The following NDUFS4 variants were observed in gnomAD, a reference collection of about 807,000 sequenced individuals.
The protein encoded by NDUFS4 is NADH dehydrogenase [ubiquinone] iron-sulfur protein 4, mitochondrial.
In NDUFS4, 28 loss-of-function variants were observed where a neutral mutation model predicts 24.3. The observed-to-expected ratio is 1.15, with a 90% confidence interval of 0.85 to 1.58. The LOEUF (loss-of-function observed/expected upper bound fraction) is 1.58. Ranked by LOEUF, NDUFS4 falls within the 40% of genes most tolerant of loss-of-function variation. NDUFS4 has a pLI of 0.00. For missense variants in NDUFS4, 223 were observed against 207.9 expected (o/e 1.07, Z -0.45); for synonymous variants, 93 against 69.7 (o/e 1.34, Z -1.67).
intron 4 of NDUFS4, among the ~76,000 whole-genome samples, chr5:53,659,166 ATAATAT>A (rs1305750225): frequency 6.6e-6 from 1 of 152,082 alleles, no homozygotes; most frequent in African/African-American, 2.4e-5. Flanking sequence ...CAACTGTATA[ATAATAT>A]TAATGTGGCC....
chr5:53,602,914 A>G (rs1172276943), intron 1 of NDUFS4, among the ~76,000 whole-genome samples: 2 of 152,216 alleles, frequency 1.3e-5, no homozygotes, highest in Non-Finnish European at 2.9e-5. Context: ...TAATATTTTC[A>G]TTTTAACTAA....
At chr5:53,622,106 A>G (rs1425010731) in intron 2 of NDUFS4, among the ~76,000 whole-genome samples, 1 of 152,148 alleles carries the variant, frequency 6.6e-6, no homozygotes, top group Non-Finnish European at 1.5e-5. Context: ...GTTGCTCTTA[A>G]TTATTATACT....
At chr5:53,634,871 G>A (rs1224963637) in intron 2 of NDUFS4, among the ~76,000 whole-genome samples, 1 of 151,864 alleles carries the variant, frequency 6.6e-6, no homozygotes, top group Non-Finnish European at 1.5e-5. Context: ...CCTAAGATAG[G>A]TACATGACTT....
At chr5:53,650,446 TTTTGGGC>T (rs1273737878) in intron 3 of NDUFS4, among the ~76,000 whole-genome samples, 3 of 152,282 alleles carry the variant, frequency 2.0e-5, no homozygotes, top group African/African-American at 7.2e-5. Context: ...ATCTGTGTAT[TTTTGGGC>T]TTAGTTTTGA....
chr5:53,648,178 A>G lies in NDUFS4; in HGVS notation c.350+1773A>G, dbSNP rs543377525. ...AAGCTGAGAAATAGATACTTACCCAACTTAGTCTTTGGAGTGAATCTGTAT... is the reference window on the plus strand; with the variant it reads ...AAGCTGAGAAATAGATACTTACCCAGCTTAGTCTTTGGAGTGAATCTGTAT... On this transcript the variant is annotated intron_variant, in intron 3 of 4. Coordinates refer to ENST00000296684, the MANE Select transcript of NDUFS4 (RefSeq NM_002495.4). Among the ~76,000 whole-genome samples, 5 of 152,248 alleles carry G rather than the reference A, an allele frequency of 3.3e-5. No homozygotes were observed. In the East Asian group the frequency reaches 5.8e-4, roughly 18 times the overall value.
At chr5:53,662,546 A>T (rs1752375570) in intron 4 of NDUFS4, among the ~76,000 whole-genome samples, 2 of 151,964 alleles carry the variant, frequency 1.3e-5, no homozygotes, top group South Asian at 4.1e-4. Context: ...TTTTCTATTG[A>T]TTGGAATAGT....
intron 2 of NDUFS4, among the ~76,000 whole-genome samples, chr5:53,613,240 T>C (rs952369719): frequency 3.9e-5 from 6 of 152,078 alleles, no homozygotes; most frequent in Non-Finnish European, 8.8e-5. Context: ...AGTGTCTGTT[T>C]TGTCTGGACT....
At chr5:53,623,726 T>C (rs1215010702) in intron 2 of NDUFS4, among the ~76,000 whole-genome samples, 3 of 101,708 alleles carry the variant, frequency 2.9e-5, no homozygotes, top group Non-Finnish European at 4.1e-5. Flanking sequence ...TGTTTGCTTG[T>C]TTGTTTGTTT....
intron 1 of NDUFS4, among the ~76,000 whole-genome samples, chr5:53,568,806 T>C (rs1749124095): frequency 6.6e-6 from 1 of 152,212 alleles, no homozygotes; most frequent in African/African-American, 2.4e-5. Context: ...TACTCTTTTG[T>C]GTTTGAATCG....
chr5:53,591,922 C>T (rs1749973304), intron 1 of NDUFS4, among the ~76,000 whole-genome samples: 1 of 151,870 alleles, frequency 6.6e-6, no homozygotes, highest in African/African-American at 2.4e-5. Flanking sequence ...TGTTTGTTTT[C>T]TTATTGATGA....
chr5:53,677,225 T>TATTA (rs1740504122), intron 4 of NDUFS4, among the ~76,000 whole-genome samples: 1 of 152,146 alleles, frequency 6.6e-6, no homozygotes, highest in East Asian at 1.9e-4. Flanking sequence ...ATAGCAAGTA[T>TATTA]ATTATTTGAA....
chr5:53,643,933 T>C (rs1006308533), intron 2 of NDUFS4, among the ~76,000 whole-genome samples: 3 of 152,126 alleles, frequency 2.0e-5, no homozygotes, highest in African/African-American at 7.2e-5. Flanking sequence ...AATAAATAAT[T>C]GCTGTAATTC....
intron 2 of NDUFS4, among the ~76,000 whole-genome samples, chr5:53,608,385 T>G (rs183276951): frequency 2.0e-4 from 31 of 152,332 alleles, no homozygotes; most frequent in Admixed American, 1.8e-3. Flanking sequence ...TCTGACACAC[T>G]GATTGACCCT....
Position 53,627,704 on chromosome 5 carries a change from A to C in NDUFS4, c.178-18529A>C, listed in dbSNP as rs536877874. ...GTTTGTCTGTTATTGGTGTATAAGA[A>C]TGCTTGTGATTTTTGCATATTGATT... On this transcript the variant is annotated intron_variant, in intron 2 of 4. Coordinates refer to ENST00000296684, the MANE Select transcript of NDUFS4 (RefSeq NM_002495.4). Among the ~76,000 whole-genome samples the C allele has an allele frequency of 3.9e-5, 6 of 152,252 alleles. No homozygotes were observed. The East Asian group carries it at 1.2e-3, about 29-fold the overall frequency.
chr5:53,588,785 A>G (rs971824328), intron 1 of NDUFS4, among the ~76,000 whole-genome samples: 4 of 152,174 alleles, frequency 2.6e-5, no homozygotes, highest in African/African-American at 4.8e-5. Context: ...CAAACAATGA[A>G]ATATCATGTC....
Position 53,572,705 on chromosome 5 carries a change from G to A in NDUFS4, c.98+11945G>A, listed in dbSNP as rs186682256. Among the ~76,000 whole-genome samples, 515 of 150,590 alleles carry A rather than the reference G, an allele frequency of 3.4e-3. 1 individual carries two copies. Among genetic ancestry groups the A allele is most frequent in the Non-Finnish European group, 4.7e-3 (320 of 67,634 alleles). On this transcript the variant is annotated intron_variant, in intron 1 of 4. Coordinates refer to ENST00000296684, the MANE Select transcript of NDUFS4 (RefSeq NM_002495.4). ...GTTGCCCAGGCTGGAGTGCAGTGGC[G>A]CAATCTTGGCTTACTGCAACCTCTG...
intron 1 of NDUFS4, among the ~76,000 whole-genome samples, chr5:53,561,565 C>T (rs185954957): frequency 2.4e-3 from 364 of 149,366 alleles, no homozygotes; most frequent in Non-Finnish European, 3.8e-3. Flanking sequence ...TTCAGAATTT[C>T]CTGGAGTTTT....
chr5:53,561,830 A>G (rs1054475190), intron 1 of NDUFS4, among the ~76,000 whole-genome samples: 1 of 152,144 alleles, frequency 6.6e-6, no homozygotes, highest in African/African-American at 2.4e-5. Flanking sequence ...TTGGGTGGGA[A>G]AGAAGAGAGT....
chr5:53,643,533 T>TAA (rs1751760572), intron 2 of NDUFS4, among the ~76,000 whole-genome samples: 1 of 152,158 alleles, frequency 6.6e-6, no homozygotes, highest in Non-Finnish European at 1.5e-5. Context: ...TTTCAAGTGT[T>TAA]ACATTGTTTT....
Sources: gnomAD v4.1 joint callset for allele counts (sites outside exome capture counted in the v4.1 genomes callset) on GRCh38, gnomAD v4.1.1 for gene constraint, MANE v1.5 for transcripts, NCBI Gene and HGNC (gene_info 2026-07-23, HGNC 2026-07-21) for gene names.